The following PLEKHG4B variants were observed in gnomAD, a reference collection of about 807,000 sequenced individuals.
PLEKHG4B encodes pleckstrin homology and RhoGEF domain containing G4B, also known as pleckstrin homology domain-containing family G member 4B.
PLEKHG4B carries 111 observed loss-of-function variants against 121.3 expected under a neutral mutation model. That is an observed-to-expected ratio of 0.92 (90% CI 0.78 to 1.07). PLEKHG4B has a LOEUF of 1.07. Among genes scored for constraint, PLEKHG4B ranks in the 50% least tolerant of loss-of-function variants. PLEKHG4B has a pLI of 0.00. For synonymous variants in PLEKHG4B, 738 were observed against 725.0 expected (o/e 1.02, Z -0.29); for missense variants, 1,831 against 1,757.8 (o/e 1.04, Z -0.74).
rs1407615185 is a variant in PLEKHG4B at position 139,348 on chromosome 5, AC to A, written c.244-131del. 1.3e-5 allele frequency: 5 copies of A among 397,956 alleles called. No homozygotes were observed. The highest frequency in any genetic ancestry group is 2.2e-5 in the Non-Finnish European group (5 of 226,310). The allele number at this position is 397,956 out of a possible 1,614,324, so 24.7% of individuals were successfully genotyped here. A position where few individuals can be genotyped will look rare whatever the true frequency, so the allele number is the denominator to read the frequency against. On this transcript the variant is annotated intron_variant, in intron 2 of 19. Transcript: ENST00000637938. The surrounding 1 kb of genome is among the most constrained non-coding windows in gnomAD (Gnocchi z 5.0). ...TGCTTTATGTTCCAAGGAACAGGAC[AC>A]CCCAGCCCCCGTGAGACCCCTTCCT... is the stretch of plus-strand genomic sequence containing the variant.
intron 6 of PLEKHG4B, among the ~76,000 whole-genome samples, chr5:149,950 C>T (rs1284423223): frequency 6.6e-6 from 1 of 152,162 alleles, no homozygotes; most frequent in African/African-American, 2.4e-5. Flanking sequence ...TTGTGGAAAA[C>T]AATTTGGCAG....
intron 1 of PLEKHG4B, among the ~76,000 whole-genome samples, chr5:101,129 C>T (rs1008035017): frequency 5.6e-5 from 6 of 107,676 alleles, no homozygotes; most frequent in African/African-American, 2.1e-4. Flanking sequence ...CATATAAAGC[C>T]CTGGAAAAAG....
chr5:155,249 G>A, intron 8 of PLEKHG4B, 96 bp from the exon 9 acceptor site: 1 of 1,160,536 alleles, frequency 8.6e-7, no homozygotes, highest in South Asian at 1.2e-5. Flanking sequence ...CCCAACCCGA[G>A]ATCGGTCTAA....
intron 6 of PLEKHG4B, among the ~76,000 whole-genome samples, chr5:149,823 A>T (rs1038384698): frequency 6.6e-6 from 1 of 152,186 alleles, no homozygotes; most frequent in East Asian, 1.9e-4. Context: ...ACCTCAATTA[A>T]ATACCACTTC....
chr5:153,954 G>C (rs1355017011), intron 7 of PLEKHG4B, among the ~76,000 whole-genome samples: 1 of 152,134 alleles, frequency 6.6e-6, no homozygotes, highest in African/African-American at 2.4e-5. Context: ...GCCTCCCAAA[G>C]TGCTGGGATC....
intron 2 of PLEKHG4B, among the ~76,000 whole-genome samples, chr5:136,393 T>G (rs1734985345): frequency 6.6e-6 from 1 of 152,102 alleles, no homozygotes; most frequent in Non-Finnish European, 1.5e-5. Context: ...GCCTTCAAAA[T>G]GAGGGAAATA....
Position 169,736 on chromosome 5 carries a change from A to C in PLEKHG4B, c.3729+144A>C, listed in dbSNP as rs1560950306. On this transcript the variant is annotated intron_variant, in intron 14 of 19. Coordinates refer to ENST00000637938, the MANE Select transcript of PLEKHG4B (RefSeq NM_052909.5). ...GAGCTGGTCCTGACAGGATGTTAAG[A>C]CCAGCCGAAAAACAGATGCCCCACA... is the stretch of plus-strand genomic sequence containing the variant. The C allele has an allele frequency of 5.5e-6, 7 of 1,283,040 alleles. No individual in the cohort carries two copies. The South Asian group carries it at 8.9e-5, about 16-fold the overall frequency. The allele number at this position is 1,283,040 out of a possible 1,614,324, so 79.5% of individuals were successfully genotyped here. A position where few individuals can be genotyped will look rare whatever the true frequency, so the allele number is the denominator to read the frequency against.
intron 1 of PLEKHG4B, among the ~76,000 whole-genome samples, chr5:108,405 G>A (rs147165426): frequency 1.3e-5 from 2 of 152,316 alleles, no homozygotes; most frequent in Non-Finnish European, 2.9e-5. Context: ...CATCTCCAGC[G>A]GAGAGGGTCA....
At chr5:110,797 C>T (rs1734135825) in intron 1 of PLEKHG4B, among the ~76,000 whole-genome samples, 1 of 152,292 alleles carries the variant, frequency 6.6e-6, no homozygotes, top group South Asian at 2.1e-4. Context: ...CCCGCACCGT[C>T]TGTCCCTCAG....
chr5:105,301 G>A (rs116521788), intron 1 of PLEKHG4B, among the ~76,000 whole-genome samples: 2,286 of 152,338 alleles, frequency 0.015, 61 homozygotes, highest in African/African-American at 0.051. Context: ...CTTTGGAAGG[G>A]TGTTAGGTGA....
In PLEKHG4B at chr5:153,568, T is replaced by C. The variant is rs537658207; in HGVS notation, c.1993-1307T>C. On this transcript the variant is annotated intron_variant, in intron 7 of 19. Transcript: ENST00000637938. ...CATACCGCGGGGCTTCTTCCACAGC[T>C]GCCGCCTTCTGGGAATCCACTTTCA... Among the ~76,000 whole-genome samples the C allele has an allele frequency of 1.1e-4, 16 of 152,360 alleles. No homozygotes were observed. The East Asian group carries it at 2.3e-3, about 22-fold the overall frequency.
chr5:175,448 C>T (rs2126461568), intron 18 of PLEKHG4B, among the ~76,000 whole-genome samples: 1 of 152,270 alleles, frequency 6.6e-6, no homozygotes, highest in Non-Finnish European at 1.5e-5. Context: ...AACTCCAGGT[C>T]CTGCCCCAGC....
At chr5:100,026 A>T (rs1372733369) in intron 1 of PLEKHG4B, among the ~76,000 whole-genome samples, 3 of 152,046 alleles carry the variant, frequency 2.0e-5, no homozygotes, top group Non-Finnish European at 4.4e-5. Flanking sequence ...TATTACATTG[A>T]TTGGTTTTCT....
chr5:161,752 C>T (rs776670092), intron 11 of PLEKHG4B, 31 bp from the exon 12 acceptor site: 2 of 1,613,072 alleles, frequency 1.2e-6, no homozygotes, highest in South Asian at 1.1e-5. Flanking sequence ...AAGCACCGGG[C>T]TTGTACTGAT....
rs1402078474 is a variant in PLEKHG4B, at chr5:140,396, G to A, written c.1157G>A (p.Arg386Lys). Residue 386 changes from arginine to lysine, a missense_variant, in exon 3 of 20, where the codon AGG (arginine) becomes AAG (lysine). By Grantham distance (26) the Arg-to-Lys change is conservative. Transcript: ENST00000637938. ...TGCAGCTCCCTGACTGGAGCCAGCAGGGACCTGGGGACTGGGGCAGTAGCC... is the reference window on the plus strand; with the variant it reads ...TGCAGCTCCCTGACTGGAGCCAGCAAGGACCTGGGGACTGGGGCAGTAGCC... ...LACSSLTGAS[R>K]DLGTGAVASG... is the part of the protein sequence containing the mutation. The A allele has an allele frequency of 6.4e-7, 1 of 1,552,464 alleles. No homozygotes were observed. The highest frequency in any genetic ancestry group is 1.2e-5 in the South Asian group (1 of 83,838).
chr5:168,180 T>C (rs1238729779), intron 13 of PLEKHG4B, among the ~76,000 whole-genome samples: 1 of 152,124 alleles, frequency 6.6e-6, no homozygotes, highest in Non-Finnish European at 1.5e-5. Flanking sequence ...CAGAAGTGCT[T>C]CAGAGGCTCA....
At chr5:172,274 G>A (rs1457921345) in intron 16 of PLEKHG4B, among the ~76,000 whole-genome samples, 2 of 152,238 alleles carry the variant, frequency 1.3e-5, no homozygotes, top group Non-Finnish European at 2.9e-5. Context: ...ATGGGATGGA[G>A]GTCATGGGAG....
chr5:156,700 T>C lies in PLEKHG4B; in HGVS notation c.2349-73T>C. The C allele has an allele frequency of 6.7e-7, 1 of 1,485,436 alleles. No homozygotes were observed. Among genetic ancestry groups the C allele is most frequent in the Non-Finnish European group, 9.0e-7 (1 of 1,111,706 alleles). The allele number at this position is 1,485,436 out of a possible 1,614,324, so 92.0% of individuals were successfully genotyped here. ...GGGAATGGAAAGAGCAGGGTTTTTA[T>C]ATGGGGTTGTCACCAAGAGCAGATT... On this transcript the variant is annotated intron_variant, in intron 10 of 19. Transcript: ENST00000637938. The surrounding 1 kb of genome is among the most constrained non-coding windows in gnomAD (Gnocchi z 4.4).
In PLEKHG4B at chr5:182,418, C is replaced by T. The variant is rs1298705489; in HGVS notation, c.*95C>T. 6.8e-6 allele frequency: 9 copies of T among 1,318,746 alleles called. No individual in the cohort carries two copies. Among genetic ancestry groups the T allele is most frequent in the African/African-American group, 2.9e-5 (2 of 68,542 alleles). 81.7% of individuals were successfully genotyped at this position (1,318,746 alleles called of 1,614,324 possible). A position where few individuals can be genotyped will look rare whatever the true frequency, so the allele number is the denominator to read the frequency against. ...TGACTCTGGGGGTGGCGGTGCCCAT[C>T]GCGTGGCTGGAACGATCCAGAGGGA... On this transcript the variant is annotated 3_prime_UTR_variant, in exon 20 of 20. Coordinates refer to ENST00000637938, the MANE Select transcript of PLEKHG4B (RefSeq NM_052909.5).
Sources: gnomAD v4.1 joint callset for allele counts (sites outside exome capture counted in the v4.1 genomes callset) on GRCh38, gnomAD v4.1.1 for gene constraint, Gnocchi (gnomAD v3.1) non-coding constraint, MANE v1.5 for transcripts, NCBI Gene and HGNC (gene_info 2026-07-23, HGNC 2026-07-21) for gene names.